Variants in CD1B observed in about 807,000 individuals in gnomAD.
The protein encoded by CD1B is T-cell surface glycoprotein CD1b.
In CD1B, 43 loss-of-function variants were observed where a neutral mutation model predicts 39.8. That is an observed-to-expected ratio of 1.08 (90% CI 0.85 to 1.39). The LOEUF (loss-of-function observed/expected upper bound fraction) is 1.39. CD1B is among the 40% of genes most tolerant of loss of function. The pLI, the probability that CD1B is intolerant of heterozygous loss-of-function variation, is 0.00. For synonymous variants in CD1B, 192 were observed against 152.5 expected (o/e 1.26, Z -1.91); for missense variants, 495 against 403.8 (o/e 1.23, Z -1.94).
chr1:158,325,979 T>C (rs548658707), downstream of CD1B, among the ~76,000 whole-genome samples: 135 of 152,304 alleles, frequency 8.9e-4, no homozygotes, highest in Non-Finnish European at 1.7e-3. Flanking sequence ...TTATTTTTTA[T>C]TTTTTCTTGA....
At chr1:158,293,596 A>T in the CD1B span, 1 of 1,610,194 alleles carries the variant, frequency 6.2e-7, no homozygotes. Context: ...TGCATAATAA[A>T]CATTTGTTAA....
downstream of CD1B, among the ~76,000 whole-genome samples, chr1:158,325,052 C>A (rs1051881998): frequency 1.3e-5 from 2 of 151,788 alleles, no homozygotes; most frequent in African/African-American, 2.4e-5. Flanking sequence ...TGAGAACGGG[C>A]AAATAAATAG....
downstream of CD1B, among the ~76,000 whole-genome samples, chr1:158,326,133 G>C (rs1380130655): frequency 6.6e-6 from 1 of 152,046 alleles, no homozygotes; most frequent in Non-Finnish European, 1.5e-5. Context: ...ATCATGCCCG[G>C]CTAATTTTTT....
chr1:158,298,415 C>T, the CD1B span, among the ~76,000 whole-genome samples: 9 of 152,106 alleles, frequency 5.9e-5, no homozygotes, highest in African/African-American at 9.7e-5. Context: ...ATTGACAGAA[C>T]GCTCCACCCA....
At chr1:158,328,354 A>T in intron 5 of CD1B, 97 bp from the exon 6 acceptor site, 1 of 959,790 alleles carries the variant, frequency 1.0e-6, no homozygotes, top group Non-Finnish European at 1.6e-6. Flanking sequence ...AGTGAAAGCA[A>T]CCCAAGTGTC....
the CD1B span, among the ~76,000 whole-genome samples, chr1:158,322,417 G>GT: frequency 0.051 from 6,872 of 135,442 alleles, 368 homozygotes; most frequent in African/African-American, 0.14. Flanking sequence ...TTTTTTTTCT[G>GT]TTTTTTTTTT....
chr1:158,308,958 A>T, the CD1B span, among the ~76,000 whole-genome samples: 56,123 of 151,884 alleles, frequency 0.37, 12,196 homozygotes, highest in African/African-American at 0.61. Context: ...AAGCAATGGC[A>T]ACAAAAGCCA....
At chr1:158,299,862 A>G in the CD1B span, among the ~76,000 whole-genome samples, 1 of 151,794 alleles carries the variant, frequency 6.6e-6, no homozygotes, top group Non-Finnish European at 1.5e-5. Flanking sequence ...TTGTGTCTAT[A>G]TGATTCTTCT....
the CD1B span, chr1:158,291,436 G>A: frequency 6.2e-7 from 1 of 1,600,440 alleles, no homozygotes; most frequent in Non-Finnish European, 8.6e-7. Context: ...GAGTTCTTTA[G>A]AATGTTCTAT....
At chr1:158,328,798 G>A in intron 5 of CD1B, 123 bp downstream of exon 5, 1 of 680,078 alleles carries the variant, frequency 1.5e-6, no homozygotes, top group Non-Finnish European at 2.4e-6. Context: ...GGGAGTTTGG[G>A]GAAAGGATAT....
the CD1B span, among the ~76,000 whole-genome samples, chr1:158,312,630 GT>G: frequency 6.6e-6 from 1 of 151,952 alleles, no homozygotes; most frequent in South Asian, 2.1e-4. Flanking sequence ...ACATGGAATT[GT>G]TTTCTTGATT....
the CD1B span, among the ~76,000 whole-genome samples, chr1:158,299,454 G>C: frequency 2.4e-3 from 358 of 152,092 alleles, 3 homozygotes; most frequent in African/African-American, 7.9e-3. Context: ...GTGTTCATCG[G>C]GGACATTGGT....
downstream of CD1B, among the ~76,000 whole-genome samples, chr1:158,326,049 A>T (rs1402124881): frequency 6.6e-6 from 1 of 152,128 alleles, no homozygotes; most frequent in Non-Finnish European, 1.5e-5. Context: ...GGCTCACTGC[A>T]AGCTCCGCCT....
At chr1:158,315,974 G>A in the CD1B span, among the ~76,000 whole-genome samples, 10 of 151,952 alleles carry the variant, frequency 6.6e-5, no homozygotes, top group African/African-American at 1.9e-4. Context: ...TTGTAGATAT[G>A]TGGCATTAAT....
chr1:158,305,309 T>C, the CD1B span, among the ~76,000 whole-genome samples: 1 of 152,040 alleles, frequency 6.6e-6, no homozygotes, highest in African/African-American at 2.4e-5. Flanking sequence ...CAGTAGCCGA[T>C]GGGATCAAGT....
the CD1B span, among the ~76,000 whole-genome samples, chr1:158,296,344 GC>G: frequency 2.0e-5 from 3 of 152,084 alleles, no homozygotes; most frequent in African/African-American, 7.2e-5. Context: ...CTGAGCCATG[GC>G]CCCCTGAAAT....
At chr1:158,316,496 T>C in the CD1B span, among the ~76,000 whole-genome samples, 1 of 151,878 alleles carries the variant, frequency 6.6e-6, no homozygotes, top group Non-Finnish European at 1.5e-5. Flanking sequence ...GTGATTTTTG[T>C]ACATTGATTT....
At chr1:158,308,843 A>G in the CD1B span, among the ~76,000 whole-genome samples, 1 of 152,250 alleles carries the variant, frequency 6.6e-6, no homozygotes, top group Non-Finnish European at 1.5e-5. Flanking sequence ...AGATGGATTA[A>G]AGACTTACAT....
At chr1:158,318,756 T>C in the CD1B span, among the ~76,000 whole-genome samples, 2 of 152,136 alleles carry the variant, frequency 1.3e-5, no homozygotes, top group Non-Finnish European at 2.9e-5. Flanking sequence ...TTCTTCCTAG[T>C]CTTGATGGTC....
Sources: gnomAD v4.1 joint callset for allele counts (sites outside exome capture counted in the v4.1 genomes callset) on GRCh38, gnomAD v4.1.1 for gene constraint, MANE v1.5 for transcripts, NCBI Gene and HGNC (gene_info 2026-07-23, HGNC 2026-07-21) for gene names.